The following TRABD2A variants were observed in gnomAD, a reference collection of about 807,000 sequenced individuals.
TRABD2A encodes TraB domain containing 2A, also known as metalloprotease TIKI1.
In TRABD2A, 43 loss-of-function variants were observed where a neutral mutation model predicts 45.6. The observed-to-expected ratio is 0.94, with a 90% CI of 0.74 to 1.22. The LOEUF (loss-of-function observed/expected upper bound fraction) is 1.22, where lower values mean the gene tolerates loss of function less well. Among genes scored for constraint, TRABD2A ranks in the 50% most tolerant of loss-of-function variants. The pLI is 0.00. For missense variants in TRABD2A, 642 were observed against 652.4 expected (o/e 0.98, Z 0.17); for synonymous variants, 269 against 265.0 (o/e 1.02, Z -0.15).
intron 2 of TRABD2A, among the ~76,000 whole-genome samples, chr2:84,843,120 G>T (rs906748679): frequency 6.6e-6 from 1 of 151,840 alleles, no homozygotes; most frequent in East Asian, 2.0e-4. Flanking sequence ...CTTACAACCC[G>T]TGGAATTTTC....
At chr2:84,864,153 A>G (rs1474070881) in intron 2 of TRABD2A, among the ~76,000 whole-genome samples, 2 of 152,154 alleles carry the variant, frequency 1.3e-5, no homozygotes, top group Admixed American at 1.3e-4. Flanking sequence ...CAGAAGAAGA[A>G]TGTGTGTTCA....
At chr2:84,852,351 C>T (rs1682126190) in intron 2 of TRABD2A, among the ~76,000 whole-genome samples, 1 of 152,174 alleles carries the variant, frequency 6.6e-6, no homozygotes, top group African/African-American at 2.4e-5. Context: ...CAGGAAGAAG[C>T]ACAACCAGCA....
intron 5 of TRABD2A, among the ~76,000 whole-genome samples, chr2:84,829,363 AACAC>A (rs146287038): frequency 0.49 from 71,703 of 145,224 alleles, 17,814 homozygotes; most frequent in Non-Finnish European, 0.56. Context: ...AACAACCAGC[AACAC>A]ACACACACAC....
At chr2:84,854,196 G>A (rs893342203) in intron 2 of TRABD2A, among the ~76,000 whole-genome samples, 5 of 152,020 alleles carry the variant, frequency 3.3e-5, no homozygotes, top group Non-Finnish European at 7.4e-5. Context: ...GTATTTGGGA[G>A]GGTGTGCGTA....
intron 3 of TRABD2A, among the ~76,000 whole-genome samples, chr2:84,839,914 G>A (rs1181200532): frequency 1.3e-5 from 2 of 152,164 alleles, no homozygotes; most frequent in Non-Finnish European, 2.9e-5. Flanking sequence ...CAGGATGAAA[G>A]TGCATCAAAA....
At chr2:84,836,579 A>G (rs1462647431) in intron 4 of TRABD2A, 1 of 152,172 alleles carries the variant, frequency 6.6e-6, no homozygotes, top group Non-Finnish European at 1.5e-5. Context: ...ATTTTTCATC[A>G]AATTTGAGAC....
chr2:84,824,257 G>A (rs1022262710), intron 5 of TRABD2A, 53 bp from the exon 6 acceptor site: 7 of 1,600,712 alleles, frequency 4.4e-6, no homozygotes, highest in East Asian at 2.2e-5. Context: ...ACAGCATGGC[G>A]CCCTCCCCAG....
At chr2:84,850,496 C>A (rs1255735269) in intron 2 of TRABD2A, among the ~76,000 whole-genome samples, 1 of 152,010 alleles carries the variant, frequency 6.6e-6, no homozygotes, top group Non-Finnish European at 1.5e-5. Flanking sequence ...TGACAGCAAC[C>A]AGTCACAGAG....
At chr2:84,835,201 G>A (rs1681462344) in intron 4 of TRABD2A, 1 of 151,652 alleles carries the variant, frequency 6.6e-6, no homozygotes, top group Non-Finnish European at 1.5e-5. Context: ...TCTTAAGAAA[G>A]CACAAGACAA....
intron 1 of TRABD2A, among the ~76,000 whole-genome samples, chr2:84,877,049 A>T (rs1311174944): frequency 1.3e-5 from 2 of 152,140 alleles, no homozygotes; most frequent in Admixed American, 6.5e-5. Flanking sequence ...ATACCTACAG[A>T]TCTGTTCTGA....
intron 2 of TRABD2A, among the ~76,000 whole-genome samples, chr2:84,857,802 C>T (rs1190565978): frequency 1.3e-5 from 2 of 152,194 alleles, no homozygotes; most frequent in Non-Finnish European, 2.9e-5. Flanking sequence ...GGGTGTCTCC[C>T]CCTACCCAGC....
In TRABD2A at chr2:84,821,851, T is replaced by A; in HGVS notation, c.*66A>T. ...GGCCCAACAAGGCTAGACCAGAATGTGGAGTACAGGAATGGCCATTCTTCA... is the reference window on the plus strand; with the variant it reads ...GGCCCAACAAGGCTAGACCAGAATGAGGAGTACAGGAATGGCCATTCTTCA... On this transcript the variant is annotated 3_prime_UTR_variant, in exon 7 of 7. Transcript: ENST00000409520. 7.0e-7 allele frequency: 1 copy of A among 1,430,238 alleles called. No individual in the cohort carries two copies. Among genetic ancestry groups the A allele is most frequent in the South Asian group, 1.6e-5 (1 of 63,040 alleles). 88.6% of individuals were successfully genotyped at this position (1,430,238 alleles called of 1,614,324 possible).
At chr2:84,844,694 A>C (rs1681827546) in intron 2 of TRABD2A, among the ~76,000 whole-genome samples, 1 of 152,228 alleles carries the variant, frequency 6.6e-6, no homozygotes, top group African/African-American at 2.4e-5. Context: ...CAGCTGGAGG[A>C]ACAAACCTTC....
At chr2:84,879,412 G>T (rs1683131172) in intron 1 of TRABD2A, among the ~76,000 whole-genome samples, 1 of 152,058 alleles carries the variant, frequency 6.6e-6, no homozygotes, top group Non-Finnish European at 1.5e-5. Flanking sequence ...CAACTCCTGG[G>T]CTCAAGTGAT....
chr2:84,827,137 C>G (rs945557402), intron 5 of TRABD2A, among the ~76,000 whole-genome samples: 2 of 152,190 alleles, frequency 1.3e-5, no homozygotes, highest in Admixed American at 1.3e-4. Context: ...TTTTGACCCA[C>G]CTGGATTCTC....
At chr2:84,847,170 G>A (rs1474577540) in intron 2 of TRABD2A, among the ~76,000 whole-genome samples, 1 of 152,186 alleles carries the variant, frequency 6.6e-6, no homozygotes, top group East Asian at 1.9e-4. Context: ...ATCTCCATGG[G>A]CACCACAGGA....
chr2:84,825,712 G>A (rs933648944), intron 5 of TRABD2A, among the ~76,000 whole-genome samples: 5 of 152,162 alleles, frequency 3.3e-5, no homozygotes, highest in Admixed American at 6.5e-5. Context: ...CCATGGACTA[G>A]CACTAGTCTG....
intron 3 of TRABD2A, among the ~76,000 whole-genome samples, chr2:84,840,112 C>G (rs1410977835): frequency 1.3e-5 from 2 of 152,120 alleles, no homozygotes; most frequent in Non-Finnish European, 2.9e-5. Flanking sequence ...CAGTATCTAC[C>G]CTGCCTGCTG....
At chr2:84,841,676 T>C (rs1681712857) in intron 3 of TRABD2A, among the ~76,000 whole-genome samples, 185 bp downstream of exon 3, 1 of 152,242 alleles carries the variant, frequency 6.6e-6, no homozygotes, top group South Asian at 2.1e-4. Context: ...TCTCTGTTCT[T>C]ACAAGGTTTG....
Sources: allele counts gnomAD v4.1 joint callset (sites outside exome capture counted in the v4.1 genomes callset), GRCh38; gene constraint gnomAD v4.1.1; transcripts MANE v1.5; gene names NCBI Gene and HGNC (gene_info 2026-07-23, HGNC 2026-07-21).